Variants in RGS12 observed in about 807,000 individuals in gnomAD.
The protein encoded by RGS12 is regulator of G protein signaling 12.
In RGS12, 66 loss-of-function variants were observed where a neutral mutation model predicts 120.1. The ratio of observed to expected loss-of-function variants is 0.55; its 90% CI spans 0.45 to 0.67. RGS12 has a LOEUF of 0.67. RGS12 is among the 30% of genes least tolerant of loss of function. The pLI is 0.00. For synonymous variants in RGS12, 827 were observed against 804.7 expected, an observed-to-expected ratio of 1.03 and a Z score of -0.47; for missense variants, 1,859 against 1,957.7, an observed-to-expected ratio of 0.95 and a Z score of 0.95.
rs976346485 is a variant in RGS12, at chr4:3,433,514, C to A, written c.4114+2559C>A. ...CCTAGCCCCAGCACCACGTGCCATGCCACCCTGTCCTAGCCCCAATGCCAC... is the reference window on the plus strand; with the variant it reads ...CCTAGCCCCAGCACCACGTGCCATGACACCCTGTCCTAGCCCCAATGCCAC... On this transcript the variant is annotated intron_variant, in intron 17 of 17. Coordinates refer to ENST00000336727, the MANE Select transcript of RGS12 (RefSeq NM_001394154.1). The surrounding 1 kb of genome is among the most constrained non-coding windows in gnomAD (Gnocchi z 4.4). Among the ~76,000 whole-genome samples, 64 of 150,850 alleles carry A rather than the reference C, an allele frequency of 4.2e-4. No individual in the cohort carries two copies. Among genetic ancestry groups the A allele is most frequent in the Non-Finnish European group, 2.2e-4 (15 of 67,668 alleles).
intron 1 of RGS12, chr4:3,312,534 C>CCA: frequency 4.4e-6 from 1 of 225,286 alleles, no homozygotes; most frequent in East Asian, 1.1e-4. Context: ...GGAAGATCAG[C>CCA]ATGTAGGCTT....
At chr4:3,428,835 A>G (rs1723949836) in intron 16 of RGS12, 124 bp downstream of exon 16, 3 of 836,460 alleles carry the variant, frequency 3.6e-6, no homozygotes, top group Non-Finnish European at 5.6e-6. Context: ...GTGGCCTGGA[A>G]GACATGTTTC....
chr4:3,350,907 T>C (rs1714293629), intron 3 of RGS12, among the ~76,000 whole-genome samples: 1 of 151,822 alleles, frequency 6.6e-6, no homozygotes, highest in Admixed American at 6.6e-5. Context: ...ATAAAGATCT[T>C]ATGGCTTTCA....
intron 12 of RGS12, among the ~76,000 whole-genome samples, 155 bp downstream of exon 12, chr4:3,423,133 G>A (rs1274538604): frequency 4.6e-5 from 7 of 152,266 alleles, no homozygotes; most frequent in Admixed American, 1.3e-4. Context: ...AGGCCCACAC[G>A]AGGCAGCCCC....
rs977899196 is a variant in RGS12 at position 3,366,160 on chromosome 4, G to A, written c.1999-20256G>A. On this transcript the variant is annotated intron_variant, in intron 3 of 17. Coordinates refer to ENST00000336727, the MANE Select transcript of RGS12 (RefSeq NM_001394154.1). The surrounding 1 kb of genome is among the most constrained non-coding windows in gnomAD (Gnocchi z 4.0). The stretch of plus-strand genomic sequence containing the variant: ...GGCAATGGGGAAGGAAGGCAGGCAG[G>A]CAGGACAGCCAGACTGTTAGGGGTT... Among the ~76,000 whole-genome samples, 1 of 152,140 alleles carries A rather than the reference G, an allele frequency of 6.6e-6. No individual in the cohort carries two copies. The highest frequency in any genetic ancestry group is 1.5e-5 in the Non-Finnish European group (1 of 68,018).
At chr4:3,294,029 G>A (rs1306074598) in intron 1 of RGS12, among the ~76,000 whole-genome samples, 1 of 152,268 alleles carries the variant, frequency 6.6e-6, no homozygotes, top group Non-Finnish European at 1.5e-5. Context: ...GGACAGAGAG[G>A]ACCACCTGGC....
At position 3,425,494 on chromosome 4, in the gene RGS12, G is replaced by T; in HGVS notation, c.3265G>T (p.Ala1089Ser). Residue 1089 changes from alanine to serine, a missense_variant, in exon 14 of 18, where the codon GCC (alanine) becomes TCC (serine). Around this residue, in one of 3 missense-constraint regions of RGS12, gnomAD observed 517 missense variants for 488.5 expected, o/e 1.06. Coordinates refer to ENST00000336727, the MANE Select transcript of RGS12 (RefSeq NM_001394154.1). ...AGAGAAGGAGCCCCTGGACCTTGGC[G>T]CCCCTATATCGAGTCTGGACGGACA... Reference protein sequence around the residue: ...SGEKEPLDLGAPISSLDGQRV... With the variant: ...SGEKEPLDLGSPISSLDGQRV... 1 of 1,612,254 alleles carries T rather than the reference G, an allele frequency of 6.2e-7. No homozygotes were observed.
Position 3,422,407 on chromosome 4 carries a change from A to G in RGS12, c.2870A>G (p.Lys957Arg). Residue 957 changes from lysine (K) to arginine (R), a missense_variant, in exon 11 of 18, where the codon AAG becomes AGG. Around this residue, in one of 3 missense-constraint regions of RGS12, gnomAD observed 375 missense variants for 475.0 expected, o/e 0.79. Coordinates refer to ENST00000336727, the MANE Select transcript of RGS12 (RefSeq NM_001394154.1). ...GCCTGCAGGACTTTGGCACCCGAGA[A>G]GGACAAGGCCACCAAGCACTGCTGC... is the stretch of plus-strand genomic sequence containing the variant. ...SEACRTLAPE[K>R]DKATKHCCIH... 6.2e-7 allele frequency: 1 copy of G among 1,612,604 alleles called. No homozygotes were observed. The highest frequency in any genetic ancestry group is 1.7e-5 in the Admixed American group (1 of 59,998).
intron 3 of RGS12, among the ~76,000 whole-genome samples, chr4:3,379,728 C>T (rs575529199): frequency 1.6e-4 from 24 of 152,234 alleles, no homozygotes; most frequent in East Asian, 7.7e-4. Context: ...CTTATAAAAC[C>T]GTCAGCTGTC....
At chr4:3,300,443 C>T (rs960786421) in intron 1 of RGS12, among the ~76,000 whole-genome samples, 19 of 152,218 alleles carry the variant, frequency 1.2e-4, no homozygotes, top group Admixed American at 1.1e-3. Context: ...TTCCTCCCTG[C>T]GAGGCTGGGG....
At chr4:3,343,987 C>T (rs1379257248) in intron 3 of RGS12, among the ~76,000 whole-genome samples, 2 of 152,198 alleles carry the variant, frequency 1.3e-5, no homozygotes, top group East Asian at 1.9e-4. Flanking sequence ...CTTCCGCTAT[C>T]GATAGACACT....
intron 6 of RGS12, among the ~76,000 whole-genome samples, chr4:3,415,524 G>A (rs977009448): frequency 1.1e-4 from 16 of 152,192 alleles, no homozygotes; most frequent in Admixed American, 3.9e-4. Flanking sequence ...CTCCTCCTGC[G>A]CCTCGTGGGA....
the RGS12 span, among the ~76,000 whole-genome samples, chr4:3,286,492 C>T: frequency 5.3e-5 from 8 of 152,362 alleles, no homozygotes; most frequent in South Asian, 2.1e-4. Context: ...ATCCATTACC[C>T]TAACCCTGAG....
At chr4:3,299,046 T>G (rs565680644) in intron 1 of RGS12, among the ~76,000 whole-genome samples, 3 of 152,330 alleles carry the variant, frequency 2.0e-5, no homozygotes, top group Admixed American at 6.5e-5. Context: ...TACTGGACAT[T>G]GTAGATGGTA....
At chr4:3,338,884 G>C (rs945508208) in intron 2 of RGS12, among the ~76,000 whole-genome samples, 1 of 152,188 alleles carries the variant, frequency 6.6e-6, no homozygotes, top group African/African-American at 2.4e-5. Context: ...CAGCAGGGGT[G>C]CTAAATCGGC....
intron 3 of RGS12, among the ~76,000 whole-genome samples, chr4:3,353,207 G>A (rs369740393): frequency 6.6e-6 from 1 of 152,166 alleles, no homozygotes; most frequent in South Asian, 2.1e-4. Context: ...AGGGTGGGAG[G>A]GTTAACGAGG....
intron 1 of RGS12, among the ~76,000 whole-genome samples, chr4:3,301,616 G>A (rs1046827439): frequency 5.4e-5 from 7 of 129,000 alleles, no homozygotes; most frequent in South Asian, 5.1e-4. Context: ...GAGTGAGGCC[G>A]GGGTCCGAGG....
intron 2 of RGS12, among the ~76,000 whole-genome samples, chr4:3,330,276 A>G (rs183423554): frequency 6.6e-6 from 1 of 152,226 alleles, no homozygotes; most frequent in Non-Finnish European, 1.5e-5. Flanking sequence ...CACCAAGTAC[A>G]TCCCGCTGAA....
intron 4 of RGS12, among the ~76,000 whole-genome samples, chr4:3,404,535 A>C (rs538290342): frequency 6.6e-6 from 1 of 152,360 alleles, no homozygotes; most frequent in African/African-American, 2.4e-5. Context: ...GCACAGGGAC[A>C]AACACATCAG....
Sources: gnomAD v4.1 joint callset for allele counts (sites outside exome capture counted in the v4.1 genomes callset) on GRCh38, gnomAD v4.1.1 for gene constraint, gnomAD v4.1.1 regional missense constraint, Gnocchi (gnomAD v3.1) non-coding constraint, MANE v1.5 for transcripts, NCBI Gene and HGNC (gene_info 2026-07-23, HGNC 2026-07-21) for gene names.